Variants in SCLT1 observed in about 807,000 individuals in gnomAD.
The protein encoded by SCLT1 is sodium channel and clathrin linker 1.
SCLT1 carries 78 observed loss-of-function variants against 112.8 expected under a neutral mutation model. The ratio of observed to expected loss-of-function variants is 0.69; its 90% CI spans 0.58 to 0.83. The LOEUF (loss-of-function observed/expected upper bound fraction) is 0.83. Among genes scored for constraint, SCLT1 ranks in the 40% least tolerant of loss-of-function variants. SCLT1 has a pLI of 0.00. For missense variants in SCLT1, 747 were observed against 770.4 expected, an observed-to-expected ratio of 0.97 and a Z score of 0.36; for synonymous variants, 257 against 254.7, an observed-to-expected ratio of 1.01 and a Z score of -0.09.
intron 18 of SCLT1, among the ~76,000 whole-genome samples, chr4:128,931,141 T>C (rs991889747): frequency 1.3e-5 from 2 of 148,276 alleles, no homozygotes; most frequent in Admixed American, 1.3e-4. Flanking sequence ...GAGAGAGAAA[T>C]AGAAACTAGG....
intron 18 of SCLT1, among the ~76,000 whole-genome samples, chr4:128,930,313 C>T (rs188403056): frequency 1.3e-5 from 2 of 152,226 alleles, no homozygotes; most frequent in Admixed American, 6.5e-5. Flanking sequence ...CTTCTATCCA[C>T]GGAGGTGTAA....
chr4:129,029,592 G>C (rs1326013249), intron 5 of SCLT1, among the ~76,000 whole-genome samples: 1 of 151,700 alleles, frequency 6.6e-6, no homozygotes, highest in African/African-American at 2.4e-5. Context: ...ACGAGTTAAT[G>C]GGTGCAGCAC....
In SCLT1 at chr4:128,928,995, A is replaced by C. The variant is rs1266278464; in HGVS notation, c.1829+7660T>G. On this transcript the variant is annotated intron_variant, in intron 18 of 20. Transcript: ENST00000281142. ...TTTTAAGATTGGGAACAAGAATAAG[A>C]ATCCTGATTATCCCTACTCTGTGCA... Among the ~76,000 whole-genome samples, 10 of 152,214 alleles carry C rather than the reference A, an allele frequency of 6.6e-5. No individual in the cohort carries two copies. In the South Asian group the frequency reaches 2.1e-3, roughly 31 times the overall value.
downstream of SCLT1, among the ~76,000 whole-genome samples, chr4:128,881,642 A>G (rs977659329): frequency 7.2e-5 from 11 of 152,202 alleles, no homozygotes; most frequent in East Asian, 1.9e-4. Flanking sequence ...GTTGTCCTCA[A>G]TTGCAGATCT....
intron 5 of SCLT1, among the ~76,000 whole-genome samples, chr4:129,009,872 A>G (rs1277662352): frequency 6.6e-6 from 1 of 152,210 alleles, no homozygotes; most frequent in Non-Finnish European, 1.5e-5. Context: ...GCAGTTTGCA[A>G]AAATGTTCCC....
At chr4:129,009,285 G>A (rs1438785763) in intron 5 of SCLT1, among the ~76,000 whole-genome samples, 1 of 152,136 alleles carries the variant, frequency 6.6e-6, no homozygotes, top group African/African-American at 2.4e-5. Flanking sequence ...GGAGGCCAAG[G>A]CAGGCAGATC....
intron 9 of SCLT1, among the ~76,000 whole-genome samples, chr4:128,983,436 G>C (rs568453018): frequency 6.6e-6 from 1 of 152,092 alleles, no homozygotes; most frequent in African/African-American, 2.4e-5. Flanking sequence ...TACTGAGTAG[G>C]TTCACAAGAA....
intron 5 of SCLT1, among the ~76,000 whole-genome samples, chr4:129,009,296 A>C (rs1053023768): frequency 1.4e-4 from 22 of 152,138 alleles, no homozygotes; most frequent in Admixed American, 1.4e-3. Flanking sequence ...CAGGCAGATC[A>C]TGAGGCAGAT....
chr4:129,037,630 T>C (rs1275143487), intron 5 of SCLT1: 1 of 152,148 alleles, frequency 6.6e-6, no homozygotes, highest in Non-Finnish European at 1.5e-5. Flanking sequence ...GTCTCTGAGG[T>C]GTAACTGTAA....
At chr4:128,930,133 A>G (rs1736641699) in intron 18 of SCLT1, among the ~76,000 whole-genome samples, 1 of 152,158 alleles carries the variant, frequency 6.6e-6, no homozygotes, top group South Asian at 2.1e-4. Flanking sequence ...ATGAATAGAA[A>G]AATGTGACTT....
At chr4:128,959,485 T>G in intron 12 of SCLT1, 115 bp downstream of exon 12, 2 of 714,824 alleles carry the variant, frequency 2.8e-6, no homozygotes, top group South Asian at 3.3e-5. Flanking sequence ...ATGAAAAGAG[T>G]AGCAATTTCA....
At chr4:128,924,799 G>T (rs1736163847) in intron 18 of SCLT1, among the ~76,000 whole-genome samples, 1 of 152,126 alleles carries the variant, frequency 6.6e-6, no homozygotes, top group South Asian at 2.1e-4. Context: ...ACCTTATGAG[G>T]TCCTTATGAA....
At chr4:128,882,990 T>C (rs1732676518), downstream of SCLT1, among the ~76,000 whole-genome samples, 2 of 151,178 alleles carry the variant, frequency 1.3e-5, no homozygotes, top group South Asian at 4.2e-4. Flanking sequence ...CTATTAAAAA[T>C]AGAAAAATTA....
At chr4:129,040,221 C>T in intron 4 of SCLT1, 1 of 702,678 alleles carries the variant, frequency 1.4e-6, no homozygotes, top group Non-Finnish European at 2.6e-6. Flanking sequence ...GCCTGAAACA[C>T]AATTAAACCA....
rs572035718 is a variant in SCLT1 at position 128,936,727 on chromosome 4, T to C, written c.1757A>G (p.Lys586Arg). ...TTCTTCTTTCCACCTATTGGCTGCC[T>C]TCTGTTGAGTCGCTAGGAGATGCCT... Reference protein sequence around the residue: ...ELRHLLATQQKAANRWKEETK... With the variant: ...ELRHLLATQQRAANRWKEETK... The change falls in exon 18 of 21, where the codon AAG becomes AGG. Residue 586 changes from lysine to arginine, a missense_variant. By Grantham distance (26) the Lys-to-Arg change is conservative (BLOSUM62 2). Coordinates refer to ENST00000281142, the MANE Select transcript of SCLT1 (RefSeq NM_144643.4). 5.3e-5 allele frequency: 86 copies of C among 1,612,458 alleles called. No individual in the cohort carries two copies. The highest frequency in any genetic ancestry group is 6.9e-5 in the Non-Finnish European group (81 of 1,179,186).
intron 11 of SCLT1, among the ~76,000 whole-genome samples, chr4:128,963,143 T>C (rs1195214078): frequency 1.3e-5 from 2 of 152,162 alleles, no homozygotes. Flanking sequence ...TAATTTTCTT[T>C]CCCTAACAAT....
intron 18 of SCLT1, among the ~76,000 whole-genome samples, chr4:128,914,540 G>A (rs1162458507): frequency 6.6e-6 from 1 of 152,124 alleles, no homozygotes; most frequent in Non-Finnish European, 1.5e-5. Context: ...AGGGATAAAT[G>A]AAGAGTTTGT....
intron 4 of SCLT1, 38 bp from the exon 5 acceptor site, chr4:129,039,134 A>G: frequency 7.2e-7 from 1 of 1,385,636 alleles, no homozygotes; most frequent in Non-Finnish European, 1.0e-6. Context: ...TACATTTTGC[A>G]GACAATCAGA....
chr4:128,926,134 T>G (rs1736279912), intron 18 of SCLT1, among the ~76,000 whole-genome samples: 1 of 152,160 alleles, frequency 6.6e-6, no homozygotes, highest in South Asian at 2.1e-4. Context: ...TGCTTTTGTT[T>G]ATCTATTTTG....
Sources: gnomAD v4.1 joint callset for allele counts (sites outside exome capture counted in the v4.1 genomes callset) on GRCh38, gnomAD v4.1.1 for gene constraint, MANE v1.5 for transcripts, NCBI Gene and HGNC (gene_info 2026-07-23, HGNC 2026-07-21) for gene names.